Variants in PCDHGB2 observed in about 807,000 individuals in gnomAD.
PCDHGB2 encodes the protein protocadherin gamma subfamily B, 2.
Under a neutral mutation model 59.3 loss-of-function variants are expected in PCDHGB2, and 55 were observed. That is an observed-to-expected ratio of 0.93 (90% confidence interval 0.75 to 1.16). PCDHGB2 has a LOEUF of 1.16. Among genes scored for constraint, PCDHGB2 ranks in the 50% most tolerant of loss-of-function variants. The pLI is 0.00. For synonymous variants in PCDHGB2, 516 were observed against 512.0 expected (o/e 1.01, Z -0.11); for missense variants, 1,228 against 1,198.5 (o/e 1.02, Z -0.36).
rs745658462 is a variant in PCDHGB2 at position 141,414,720 on chromosome 5, T to C, written c.2421+52164T>C. 6 of 1,614,132 alleles carry C rather than the reference T, an allele frequency of 3.7e-6. No homozygotes were observed. The East Asian group carries it at 1.3e-4, about 36-fold the overall frequency. ...CATACATATCCATCAACTCAGACAC[T>C]GGCGTCCTGTATGCACTCAGATCCT... On this transcript the variant is annotated intron_variant, in intron 1 of 3. Coordinates refer to ENST00000522605, the MANE Select transcript of PCDHGB2 (RefSeq NM_018923.3).
chr5:141,381,197 G>A (rs775518407), intron 1 of PCDHGB2, among the ~76,000 whole-genome samples: 1 of 152,232 alleles, frequency 6.6e-6, no homozygotes, highest in African/African-American at 2.4e-5. Context: ...CTTTCTTAGT[G>A]TTAGTTCTGG....
intron 1 of PCDHGB2, chr5:141,364,663 G>T: frequency 6.2e-7 from 1 of 1,614,042 alleles, no homozygotes; most frequent in Non-Finnish European, 8.5e-7. Flanking sequence ...TCTTGGTTGA[G>T]AACAAAATGA....
At chr5:141,399,376 A>T in intron 1 of PCDHGB2, 1 of 1,613,956 alleles carries the variant, frequency 6.2e-7, no homozygotes, top group Non-Finnish European at 8.5e-7. Context: ...GTACAATGTC[A>T]CCATCACAGC....
intron 1 of PCDHGB2, among the ~76,000 whole-genome samples, chr5:141,482,755 T>TGAAGTGGGAGAATTGCTTGAGCCTGGG (rs1554165462): frequency 6.3e-5 from 9 of 143,570 alleles, no homozygotes; most frequent in African/African-American, 1.4e-4. Context: ...GGGATTATGG[T>TGAAGTGGGAGAATTGCTTGAGCCTGGG]ATTTCATTAT....
intron 1 of PCDHGB2, among the ~76,000 whole-genome samples, chr5:141,482,875 C>T (rs2099573976): frequency 6.6e-6 from 1 of 151,958 alleles, no homozygotes; most frequent in African/African-American, 2.4e-5. Context: ...AGTTTGAAAC[C>T]AGCCTGGCCA....
chr5:141,392,809 CA>C, intron 1 of PCDHGB2: 1 of 1,578,772 alleles, frequency 6.3e-7, no homozygotes, highest in Non-Finnish European at 8.6e-7. Flanking sequence ...TGCAGCAAAA[CA>C]ACAATGGCCG....
intron 1 of PCDHGB2, chr5:141,421,800 G>A: frequency 6.2e-7 from 1 of 1,613,846 alleles, no homozygotes; most frequent in Non-Finnish European, 8.5e-7. Context: ...ATGGGGCCAA[G>A]AATCCAGAGC....
At chr5:141,414,489 G>C (rs754325517) in intron 1 of PCDHGB2, 2 of 1,613,872 alleles carry the variant, frequency 1.2e-6, no homozygotes, top group South Asian at 2.2e-5. Context: ...CTCTATCAAC[G>C]GAAGCTCACT....
At chr5:141,459,375 C>T (rs973503237) in intron 1 of PCDHGB2, among the ~76,000 whole-genome samples, 2 of 152,194 alleles carry the variant, frequency 1.3e-5, no homozygotes, top group African/African-American at 4.8e-5. Flanking sequence ...GTATCAGCAG[C>T]GTGTTCCATT....
Position 141,485,087 on chromosome 5 carries a change from T to G in PCDHGB2, c.2422-9720T>G. The G allele has an allele frequency of 2.0e-6, 2 of 1,000,176 alleles. No homozygotes were observed. The highest frequency in any genetic ancestry group is 1.5e-6 in the Non-Finnish European group (1 of 651,808). 62.0% of individuals were successfully genotyped at this position (1,000,176 alleles called of 1,614,324 possible). A position where few individuals can be genotyped will look rare whatever the true frequency, so the allele number is the denominator to read the frequency against. The stretch of plus-strand genomic sequence containing the variant: ...CAGAGCTGGCGCGGGGAAAGGGAGA[T>G]AGGTGTCTCCAGCTGCTGTGGCTGT... On this transcript the variant is annotated intron_variant, in intron 1 of 3. Transcript: ENST00000522605. This position sits in a 1 kb window ranked among gnomAD's most constrained non-coding sequence, Gnocchi z 5.7.
chr5:141,428,040 G>T, intron 1 of PCDHGB2: 1 of 1,608,668 alleles, frequency 6.2e-7, no homozygotes, highest in Non-Finnish European at 8.5e-7. Flanking sequence ...CGGCTACCTG[G>T]TGACCAAGGT....
intron 1 of PCDHGB2, chr5:141,374,486 A>C: frequency 6.2e-7 from 1 of 1,611,570 alleles, no homozygotes; most frequent in Non-Finnish European, 8.5e-7. Context: ...CCGATTCTTA[A>C]AGGAAGAATT....
At chr5:141,422,849 C>G in intron 1 of PCDHGB2, 1 of 1,614,238 alleles carries the variant, frequency 6.2e-7, no homozygotes, top group East Asian at 2.2e-5. Flanking sequence ...AGCGGGGACC[C>G]GCCCCTCAGC....
At chr5:141,481,795 T>C (rs2154579318) in intron 1 of PCDHGB2, among the ~76,000 whole-genome samples, 1 of 150,244 alleles carries the variant, frequency 6.7e-6, no homozygotes, top group South Asian at 2.1e-4. Context: ...CTACTAAAAA[T>C]ACAAAAATTC....
rs770354956 is a variant in PCDHGB2, at chr5:141,399,731, C to T, written c.2421+37175C>T. Reference sequence around the variant, plus strand: ...ACACTACAGGCCCGCGACCAGGGCTCGCCTGCGCTCAGCGCAAACGTGAGC... The same window carrying T: ...ACACTACAGGCCCGCGACCAGGGCTTGCCTGCGCTCAGCGCAAACGTGAGC... On this transcript the variant is annotated intron_variant, in intron 1 of 3. Transcript: ENST00000522605. 229 of 1,613,292 alleles carry T rather than the reference C, an allele frequency of 1.4e-4. No homozygotes were observed. The highest frequency in any genetic ancestry group is 1.8e-4 in the Non-Finnish European group (217 of 1,179,878).
rs201669321 is a variant in PCDHGB2, at chr5:141,375,837, G to A, written c.2421+13281G>A. The A allele has an allele frequency of 2.1e-5, 34 of 1,613,980 alleles. No individual in the cohort carries two copies. Among genetic ancestry groups the A allele is most frequent in the Non-Finnish European group, 2.6e-5 (31 of 1,180,040 alleles). Reference sequence around the variant, plus strand: ...CTGGCGCCCCGCTCCGCAGAGCCCGGCTACCTGGTGACCAAGGTGGTGGCG... The same window carrying A: ...CTGGCGCCCCGCTCCGCAGAGCCCGACTACCTGGTGACCAAGGTGGTGGCG... On this transcript the variant is annotated intron_variant, in intron 1 of 3. Coordinates refer to ENST00000522605, the MANE Select transcript of PCDHGB2 (RefSeq NM_018923.3).
intron 1 of PCDHGB2, chr5:141,370,493 C>G (rs1766963233): frequency 5.6e-6 from 9 of 1,613,944 alleles, no homozygotes; most frequent in Non-Finnish European, 7.6e-6. Flanking sequence ...CCGAACCGAT[C>G]CGCTACGCTA....
At position 141,432,673 on chromosome 5, in the gene PCDHGB2, C is replaced by A. The variant is rs770930842; in HGVS notation, c.2422-62134C>A. 5 of 1,613,922 alleles carry A rather than the reference C, an allele frequency of 3.1e-6. No homozygotes were observed. Among genetic ancestry groups the A allele is most frequent in the Non-Finnish European group, 4.2e-6 (5 of 1,179,960 alleles). On this transcript the variant is annotated intron_variant, in intron 1 of 3. Coordinates refer to ENST00000522605, the MANE Select transcript of PCDHGB2 (RefSeq NM_018923.3). This position sits in a 1 kb window ranked among gnomAD's most constrained non-coding sequence, Gnocchi z 6.0. ...GAGCCCTGCTGGACAGAGACGCGCTCAAGCAGAGCCTCGTAGTGGCCGTCC... is the reference window on the plus strand; with the variant it reads ...GAGCCCTGCTGGACAGAGACGCGCTAAAGCAGAGCCTCGTAGTGGCCGTCC...
chr5:141,372,280 C>T, intron 1 of PCDHGB2: 2 of 1,613,164 alleles, frequency 1.2e-6, no homozygotes, highest in Admixed American at 1.7e-5. Flanking sequence ...GTGCGCACGG[C>T]GCGTACCTTG....
Sources: gnomAD v4.1 joint callset for allele counts (sites outside exome capture counted in the v4.1 genomes callset) on GRCh38, gnomAD v4.1.1 for gene constraint, Gnocchi (gnomAD v3.1) non-coding constraint, MANE v1.5 for transcripts, NCBI Gene and HGNC (gene_info 2026-07-23, HGNC 2026-07-21) for gene names.